The following COL4A1 variants were observed in gnomAD, a reference collection of about 807,000 sequenced individuals.
COL4A1 encodes collagen type IV alpha 1 chain, also known as collagen alpha-1(IV) chain.
In COL4A1, 40 loss-of-function variants were observed where a neutral mutation model predicts 216.6. That is an observed-to-expected ratio of 0.18 (90% CI 0.14 to 0.24). COL4A1 has a LOEUF of 0.24. Among genes scored for constraint, COL4A1 ranks in the 10% least tolerant of loss-of-function variants. COL4A1 has a pLI of 1.00. For synonymous variants in COL4A1, 839 were observed against 810.7 expected (o/e 1.03, Z -0.59); for missense variants, 1,628 against 2,196.8 (o/e 0.74, Z 5.18).
intron 20 of COL4A1, 25 bp downstream of exon 20, chr13:110,200,829 T>C (rs1369718540): frequency 4.3e-6 from 7 of 1,612,360 alleles, no homozygotes; most frequent in Middle Eastern, 1.7e-4. Flanking sequence ...AAGTATGCTA[T>C]AACAAATCAG....
chr13:110,162,520 A>G (rs967656195), intron 47 of COL4A1, 78 bp from the exon 48 acceptor site: 11 of 1,092,208 alleles, frequency 1.0e-5, no homozygotes, highest in African/African-American at 3.1e-5. Context: ...TTTTCTCCAA[A>G]GAGTTTTTAA....
chr13:110,242,634 A>G (rs762375184), intron 2 of COL4A1, 41 bp downstream of exon 2: 2 of 1,607,654 alleles, frequency 1.2e-6, no homozygotes, highest in South Asian at 1.1e-5. Flanking sequence ...TTACTGTCCA[A>G]TTCACAAAGA....
At chr13:110,306,910 G>T (rs1232006399) in intron 1 of COL4A1, 34 bp downstream of exon 1, 6 of 1,442,642 alleles carry the variant, frequency 4.2e-6, no homozygotes, top group Non-Finnish European at 4.5e-6. Context: ...AGCTCGGGGC[G>T]GGACGCCGGG....
chr13:110,240,753 T>A (rs1881527127), intron 2 of COL4A1, among the ~76,000 whole-genome samples: 1 of 152,114 alleles, frequency 6.6e-6, no homozygotes, highest in Non-Finnish European at 1.5e-5. Flanking sequence ...GTTGTGGAGA[T>A]GTCAGTTGAC....
At chr13:110,278,926 T>C (rs368530633) in intron 1 of COL4A1, among the ~76,000 whole-genome samples, 1 of 152,126 alleles carries the variant, frequency 6.6e-6, no homozygotes, top group Admixed American at 6.6e-5. Context: ...AATCATGTTT[T>C]TTCCTGTAAA....
intron 1 of COL4A1, among the ~76,000 whole-genome samples, chr13:110,282,305 G>A (rs1007104002): frequency 1.4e-4 from 21 of 152,126 alleles, no homozygotes; most frequent in African/African-American, 4.3e-4. Flanking sequence ...CTGTCATTGC[G>A]CAGACTGTGG....
intron 1 of COL4A1, among the ~76,000 whole-genome samples, chr13:110,250,536 T>C (rs1882026449): frequency 6.6e-6 from 1 of 152,192 alleles, no homozygotes; most frequent in Admixed American, 6.5e-5. Context: ...ATGTTCCTGC[T>C]TGGGGAATAG....
In COL4A1 at chr13:110,174,761, A is replaced by T; in HGVS notation, c.3199-12T>A. 1 of 1,612,420 alleles carries T rather than the reference A, an allele frequency of 6.2e-7. No individual in the cohort carries two copies. The highest frequency in any genetic ancestry group is 8.5e-7 in the Non-Finnish European group (1 of 1,178,572). ...ATCCCTTGATCTCCCTGCAAGTAAAAGTCAGGCATATTAACTTTACATTTG... is the reference window on the plus strand; with the variant it reads ...ATCCCTTGATCTCCCTGCAAGTAAATGTCAGGCATATTAACTTTACATTTG... On this transcript the variant is annotated splice_polypyrimidine_tract_variant and intron_variant, in intron 37 of 51. Transcript: ENST00000375820.
chr13:110,295,258 CT>C (rs67516756), intron 1 of COL4A1, among the ~76,000 whole-genome samples: 4,105 of 135,468 alleles, frequency 0.03, 96 homozygotes, highest in African/African-American at 0.081. Context: ...TTCTTTCTTT[CT>C]TTTTTTTTTT....
rs972736201 is a variant in COL4A1 at position 110,252,621 on chromosome 13, T to A, written c.85-9887A>T. ...GTATATATGTATTATATATGTATAA[T>A]TGTATATATTATATATACTTATATA... On this transcript the variant is annotated intron_variant, in intron 1 of 51. Coordinates refer to ENST00000375820, the MANE Select transcript of COL4A1 (RefSeq NM_001845.6). Among the ~76,000 whole-genome samples the A allele has an allele frequency of 3.6e-5, 3 of 84,380 alleles. 1 individual carries two copies. The highest frequency in any genetic ancestry group is 1.4e-4 in the Admixed American group (1 of 7,396). The allele number at this position is 84,380 out of a possible 152,430, so 55.4% of individuals were successfully genotyped here. A position where few individuals can be genotyped will look rare whatever the true frequency, so the allele number is the denominator to read the frequency against.
chr13:110,212,453 T>G lies in COL4A1; in HGVS notation c.351A>C (p.Pro117=), dbSNP rs1566378803. The change falls in exon 6 of 52, where the codon CCA becomes CCC. Residue 117 remains proline, a synonymous_variant. Transcript: ENST00000375820. ...TGCATCCTGGAATACCTGGGGGGCC[T>G]GGCGGGCCGTCTTGGCCAGGAATTC... ...LPGIPGQDGP[P]GPPGIPGCNG... is the part of the protein sequence containing the mutation. The G allele has an allele frequency of 2.5e-6, 4 of 1,613,976 alleles. No homozygotes were observed. The highest frequency in any genetic ancestry group is 3.4e-6 in the Non-Finnish European group (4 of 1,180,040).
intron 20 of COL4A1, among the ~76,000 whole-genome samples, chr13:110,200,384 G>A (rs1566368843): frequency 6.6e-6 from 1 of 152,220 alleles, no homozygotes; most frequent in East Asian, 1.9e-4. Context: ...AGGCAAGGCT[G>A]GGGCTGGGCA....
chr13:110,253,082 GTACGTATGTATTACATATACATA>G (rs1882241564), intron 1 of COL4A1, among the ~76,000 whole-genome samples: 2 of 113,098 alleles, frequency 1.8e-5, no homozygotes, highest in East Asian at 2.6e-4. Context: ...ATAACTATAA[GTACGTATGTATTACATATACATA>G]TAACTATATG....
At chr13:110,170,124 AGGAAGGAAGGAAGGAAGGAAG>A (rs1364326920) in intron 42 of COL4A1, among the ~76,000 whole-genome samples, 1 of 23,478 alleles carries the variant, frequency 4.3e-5, no homozygotes, top group Admixed American at 8.2e-4. Flanking sequence ...GAAGGAAGGA[AGGAAGGAAGGAAGGAAGGAAG>A]GAAGGACAGA....
Position 110,152,494 on chromosome 13 carries a change from C to T in COL4A1, c.4768G>A (p.Gly1590Ser), listed in dbSNP as rs749824018. Residue 1590 changes from glycine (G) to serine (S), a missense_variant, in exon 51 of 52, where the codon GGT becomes AGT. By Grantham distance (56) the Gly-to-Ser change is moderately conservative. Coordinates refer to ENST00000375820, the MANE Select transcript of COL4A1 (RefSeq NM_001845.6). ...AGGGCTTGGCCAGAGCCTTCTGCAC[C>T]AGCGCTGGTGTGCTGCAGAACAGAT... ...GYSFVMHTSA[G>S]AEGSGQALAS... 1 of 1,612,380 alleles carries T rather than the reference C, an allele frequency of 6.2e-7. No individual in the cohort carries two copies.
intron 2 of COL4A1, among the ~76,000 whole-genome samples, chr13:110,231,283 C>T (rs637677): frequency 0.99 from 151,128 of 152,336 alleles, 74,977 homozygotes; most frequent in Middle Eastern, 1. Flanking sequence ...GAGTCTTGTA[C>T]GTGGAAGTGA....
intron 24 of COL4A1, among the ~76,000 whole-genome samples, chr13:110,189,342 C>T (rs1348766145): frequency 4.6e-5 from 7 of 152,224 alleles, no homozygotes; most frequent in Non-Finnish European, 7.3e-5. Flanking sequence ...GGATTTCAGG[C>T]GTGAGCCACC....
chr13:110,226,769 T>C (rs548733102), intron 2 of COL4A1, among the ~76,000 whole-genome samples: 133 of 152,354 alleles, frequency 8.7e-4, no homozygotes, highest in African/African-American at 3.0e-3. Context: ...TTAAAACATA[T>C]ACAGTCACCC....
At chr13:110,208,564 T>G (rs1458559033) in intron 12 of COL4A1, among the ~76,000 whole-genome samples, 1 of 152,222 alleles carries the variant, frequency 6.6e-6, no homozygotes, top group Non-Finnish European at 1.5e-5. Flanking sequence ...ACCTCATCAC[T>G]GACGAAGAAG....
Sources: allele counts gnomAD v4.1 joint callset (sites outside exome capture counted in the v4.1 genomes callset), GRCh38; gene constraint gnomAD v4.1.1; transcripts MANE v1.5; gene names NCBI Gene and HGNC (gene_info 2026-07-23, HGNC 2026-07-21).